CHTOP: variants seen among roughly 807,000 people sequenced by gnomAD.
CHTOP encodes the protein chromatin target of PRMT1.
In CHTOP, 18 loss-of-function variants were observed where a neutral mutation model predicts 33.6. That is an observed-to-expected ratio of 0.54 (90% CI 0.37 to 0.80). The LOEUF (loss-of-function observed/expected upper bound fraction) is 0.80. Among genes scored for constraint, CHTOP ranks in the 30% least tolerant of loss-of-function variants. The pLI is 0.00. For synonymous variants in CHTOP, 117 were observed against 127.7 expected (o/e 0.92, Z 0.56); for missense variants, 263 against 336.8 (o/e 0.78, Z 1.71).
intron 3 of CHTOP, among the ~76,000 whole-genome samples, chr1:153,638,893 T>C: frequency 6.6e-6 from 1 of 151,924 alleles, no homozygotes; most frequent in Non-Finnish European, 1.5e-5. Context: ...TTTTTTTTTT[T>C]TTTTTTAGAC....
chr1:153,637,960 T>C (rs1668469587), intron 2 of CHTOP: 1 of 268,260 alleles, frequency 3.7e-6, no homozygotes, highest in Admixed American at 4.9e-5. Context: ...GGTTTAGGCT[T>C]TCTTCATTTG....
intron 1 of CHTOP, 34 bp downstream of exon 1, chr1:153,634,377 G>A (rs566622568): frequency 5.2e-4 from 79 of 153,150 alleles, no homozygotes; most frequent in Non-Finnish European, 8.9e-4. Flanking sequence ...GCCGGGGGAG[G>A]TGCGGTCTTG....
intron 2 of CHTOP, chr1:153,638,038 C>T (rs1002480688): frequency 6.7e-5 from 31 of 462,196 alleles, no homozygotes; most frequent in African/African-American, 5.3e-4. Context: ...CCTTCCACCT[C>T]TCTAAAAGCC....
intron 4 of CHTOP, 194 bp from the exon 5 acceptor site, chr1:153,643,033 T>C: frequency 1.6e-6 from 1 of 638,620 alleles, no homozygotes; most frequent in East Asian, 2.8e-5. Flanking sequence ...CTTCCAAAAA[T>C]GGATTTGTGG....
chr1:153,638,123 C>T, intron 2 of CHTOP, 172 bp from the exon 3 acceptor site: 2 of 640,294 alleles, frequency 3.1e-6, no homozygotes, highest in South Asian at 2.0e-5. Flanking sequence ...CTGATTCTTG[C>T]AAGTTTGTGG....
intron 1 of CHTOP, among the ~76,000 whole-genome samples, chr1:153,635,790 C>G (rs1231766406): frequency 1.3e-5 from 2 of 151,572 alleles, no homozygotes; most frequent in Non-Finnish European, 2.9e-5. Context: ...CCTCTGCACT[C>G]CAGCCTGGGC....
chr1:153,640,988 A>G (rs548239293), intron 3 of CHTOP, among the ~76,000 whole-genome samples: 1 of 152,376 alleles, frequency 6.6e-6, no homozygotes, highest in Non-Finnish European at 1.5e-5. Context: ...TAATATATGC[A>G]GGATAACTGA....
chr1:153,636,626 G>A lies in CHTOP; in HGVS notation c.38G>A (p.Ser13Asn). 2.5e-6 allele frequency: 4 copies of A among 1,613,770 alleles called. No individual in the cohort carries two copies. The highest frequency in any genetic ancestry group is 3.4e-6 in the Non-Finnish European group (4 of 1,179,724). Residue 13 changes from serine to asparagine, a missense_variant, in exon 2 of 6, where the codon AGC becomes AAC. Physicochemically the swap from Ser to Asn is conservative, Grantham distance 46. This residue lies in a region of CHTOP where 73 missense variants were observed against 108.9 expected (regional missense o/e 0.67). Coordinates refer to ENST00000368694, the MANE Select transcript of CHTOP (RefSeq NM_015607.4). Reference sequence around the variant, plus strand: ...TCAGCGCCGAAAGTTGTGCTAAAAAGCACCACCAAGATGTCTCTAAATGAG... The same window carrying A: ...TCAGCGCCGAAAGTTGTGCTAAAAAACACCACCAAGATGTCTCTAAATGAG... ...AQSAPKVVLK[S>N]TTKMSLNERF...
In CHTOP at chr1:153,645,048, TTC is replaced by T; in HGVS notation, c.542-15_542-14del. The T allele has an allele frequency of 2.5e-6, 4 of 1,589,806 alleles. No individual in the cohort carries two copies. Among genetic ancestry groups the T allele is most frequent in the Admixed American group, 1.9e-5 (1 of 53,932 alleles). ...TGTAACTGTCTCTTTTTTTTTTTTT[TTC>T]CCCTTTGGGCCAGGTCGGGGTATGA... On this transcript the variant is annotated splice_polypyrimidine_tract_variant and intron_variant, in intron 5 of 5. Coordinates refer to ENST00000368694, the MANE Select transcript of CHTOP (RefSeq NM_015607.4).
chr1:153,645,410 G>A lies in CHTOP; in HGVS notation c.*141G>A, dbSNP rs1211601749. 7.3e-6 allele frequency: 5 copies of A among 687,190 alleles called. No homozygotes were observed. Among genetic ancestry groups the A allele is most frequent in the Non-Finnish European group, 1.2e-5 (5 of 424,620 alleles). The allele number at this position is 687,190 out of a possible 1,614,324, so 42.6% of individuals were successfully genotyped here. On this transcript the variant is annotated 3_prime_UTR_variant, in exon 6 of 6. Transcript: ENST00000368694. ...GTGGACTTACTTGCCACCAGCTTGT[G>A]CATTTAGTGTGTTCCTTTTACTTTT...
chr1:153,645,032 C>A, intron 5 of CHTOP, 32 bp from the exon 6 acceptor site: 1 of 1,482,190 alleles, frequency 6.7e-7, no homozygotes, highest in South Asian at 1.1e-5. Flanking sequence ...TTGTAACTGT[C>A]TCTTTTTTTT....
chr1:153,638,010 T>C (rs1668472914), intron 2 of CHTOP: 1 of 384,552 alleles, frequency 2.6e-6, no homozygotes, highest in South Asian at 2.7e-5. Context: ...CATATCTGCT[T>C]ATTGCGTGTT....
chr1:153,642,413 C>T lies in CHTOP; in HGVS notation c.387C>T (p.Gly129=), dbSNP rs537638433. The T allele has an allele frequency of 6.3e-5, 102 of 1,613,130 alleles. 1 individual carries two copies. The East Asian group carries it at 2.1e-3, about 34-fold the overall frequency. Residue 129 remains glycine, a synonymous_variant, in exon 4 of 6, where the codon GGC becomes GGT. Coordinates refer to ENST00000368694, the MANE Select transcript of CHTOP (RefSeq NM_015607.4). ...GGRATRTLLR[G]GMSLRGQNLL... Reference sequence around the variant, plus strand: ...GTGCCACCAGAACCCTACTTAGGGGCGGGATGTCACTCCGAGGTCAGTGCT... The same window carrying T: ...GTGCCACCAGAACCCTACTTAGGGGTGGGATGTCACTCCGAGGTCAGTGCT...
intron 5 of CHTOP, chr1:153,643,707 C>T (rs930236328): frequency 1.8e-5 from 3 of 171,238 alleles, no homozygotes; most frequent in Non-Finnish European, 3.7e-5. Context: ...CACCACATAC[C>T]ACCCTGTAGC....
At chr1:153,637,060 C>CCCTT (rs1571314771) in intron 2 of CHTOP, 1 of 161,182 alleles carries the variant, frequency 6.2e-6, no homozygotes, top group East Asian at 1.8e-4. Context: ...TGTCCAAAGG[C>CCCTT]CCTTGAATGT....
At chr1:153,634,712 C>G (rs1408026143) in intron 1 of CHTOP, among the ~76,000 whole-genome samples, 2 of 126,900 alleles carry the variant, frequency 1.6e-5, no homozygotes, top group Non-Finnish European at 3.4e-5. Flanking sequence ...CGAGCTAATT[C>G]CCAGGTGAAT....
rs540258023 is a variant in CHTOP, at chr1:153,640,312, TAAA to T, written c.219+1876_219+1878del. ...CAATGTGGCAAAACCCCATCTCTAC[TAAA>T]AAAAAAAAAAAGCCGGGCATGGTGG... On this transcript the variant is annotated intron_variant, in intron 3 of 5. Transcript: ENST00000368694. Among the ~76,000 whole-genome samples the T allele has an allele frequency of 4.2e-5, 5 of 117,710 alleles. No homozygotes were observed. The East Asian group carries it at 9.7e-4, about 23-fold the overall frequency. The allele number at this position is 117,710 out of a possible 152,430, so 77.2% of individuals were successfully genotyped here. A position where few individuals can be genotyped will look rare whatever the true frequency, so the allele number is the denominator to read the frequency against.
chr1:153,645,793 A>G lies in CHTOP; in HGVS notation c.*524A>G, dbSNP rs1668803658. ...CTGGAGCTCAAAAATGCGTTCTTCC[A>G]CATTGATAATTTAGTAAACTGAGAA... On this transcript the variant is annotated 3_prime_UTR_variant, in exon 6 of 6. Coordinates refer to ENST00000368694, the MANE Select transcript of CHTOP (RefSeq NM_015607.4). 6.4e-6 allele frequency: 1 copy of G among 157,246 alleles called. No homozygotes were observed. Among genetic ancestry groups the G allele is most frequent in the Non-Finnish European group, 1.4e-5 (1 of 71,278 alleles). The allele number at this position is 157,246 out of a possible 1,614,324, so 9.7% of individuals were successfully genotyped here.
At chr1:153,644,517 C>G (rs914031127) in intron 5 of CHTOP, 1 of 153,264 alleles carries the variant, frequency 6.5e-6, no homozygotes, top group Admixed American at 6.5e-5. Context: ...CTACATTGTT[C>G]CTGTGTCAGA....
Sources: allele counts gnomAD v4.1 joint callset (sites outside exome capture counted in the v4.1 genomes callset), GRCh38; gene constraint gnomAD v4.1.1; regional missense constraint gnomAD v4.1.1; transcripts MANE v1.5; gene names NCBI Gene and HGNC (gene_info 2026-07-23, HGNC 2026-07-21).